Variants in C11orf97 observed in about 807,000 individuals in gnomAD.
C11orf97 encodes the protein uncharacterized protein C11orf97.
Under a neutral mutation model 16.2 loss-of-function variants are expected in C11orf97, and 15 were observed. That is an observed-to-expected ratio of 0.93 (90% CI 0.62 to 1.43). The LOEUF is 1.43. Among genes scored for constraint, C11orf97 ranks in the 40% most tolerant of loss-of-function variants. The pLI, the probability that C11orf97 is intolerant of heterozygous loss-of-function variation, is 0.00. For synonymous variants in C11orf97, 61 were observed against 65.7 expected (o/e 0.93, Z 0.34); for missense variants, 171 against 161.2 (o/e 1.06, Z -0.33).
At chr11:94,527,968 C>T (rs75277404) in intron 2 of C11orf97, 116 bp from the exon 3 acceptor site, 253 of 1,017,986 alleles carry the variant, frequency 2.5e-4, no homozygotes, top group Middle Eastern at 3.1e-4. Context: ...ATTAGTCAAA[C>T]CAAATAAACC....
chr11:94,514,640 CTTTTTTTTTTTT>C (rs10562282), intron 1 of C11orf97, among the ~76,000 whole-genome samples: 2 of 82,468 alleles, frequency 2.4e-5, no homozygotes, highest in African/African-American at 9.3e-5. Context: ...TTATTTTTGC[CTTTTTTTTTTTT>C]TTTTTTTTTT....
At chr11:94,524,222 C>A (rs1947681569) in intron 2 of C11orf97, among the ~76,000 whole-genome samples, 1 of 151,926 alleles carries the variant, frequency 6.6e-6, no homozygotes, top group Non-Finnish European at 1.5e-5. Context: ...TCTTTTAATT[C>A]ACATTTTGAA....
chr11:94,517,037 A>T (rs1163992749), intron 1 of C11orf97, among the ~76,000 whole-genome samples: 1 of 152,246 alleles, frequency 6.6e-6, no homozygotes, highest in Non-Finnish European at 1.5e-5. Flanking sequence ...CCTTGACTGT[A>T]GTAGTCATGT....
intron 2 of C11orf97, among the ~76,000 whole-genome samples, chr11:94,517,977 G>A (rs948471862): frequency 5.3e-5 from 8 of 151,944 alleles, no homozygotes; most frequent in East Asian, 3.9e-4. Flanking sequence ...GTGAAAACCC[G>A]TCTCTACTAA....
chr11:94,531,186 T>C (rs1947735497), intron 3 of C11orf97, among the ~76,000 whole-genome samples: 1 of 152,142 alleles, frequency 6.6e-6, no homozygotes, highest in Non-Finnish European at 1.5e-5. Flanking sequence ...CTTTTATCAA[T>C]CCCAGCACTC....
At chr11:94,531,698 G>A (rs750940960) in intron 3 of C11orf97, among the ~76,000 whole-genome samples, 198 bp from the exon 4 acceptor site, 3 of 152,060 alleles carry the variant, frequency 2.0e-5, no homozygotes, top group Non-Finnish European at 4.4e-5. Context: ...CTGCTTGTCC[G>A]GAAACTATGC....
chr11:94,512,784 G>A (rs1947580132), intron 1 of C11orf97, 111 bp downstream of exon 1: 2 of 1,145,212 alleles, frequency 1.7e-6, no homozygotes, highest in Non-Finnish European at 2.2e-6. Context: ...TTGGGGCAGG[G>A]GAGGTGGAGC....
At chr11:94,529,804 G>T (rs973778297) in intron 3 of C11orf97, among the ~76,000 whole-genome samples, 1 of 152,198 alleles carries the variant, frequency 6.6e-6, no homozygotes, top group African/African-American at 2.4e-5. Flanking sequence ...CAGGGTTTTA[G>T]GAATCTGGGA....
chr11:94,521,526 A>AT (rs991676920), intron 2 of C11orf97, among the ~76,000 whole-genome samples: 4 of 151,962 alleles, frequency 2.6e-5, no homozygotes, highest in African/African-American at 9.7e-5. Flanking sequence ...ACTACTTACA[A>AT]TTTTTTTTCA....
chr11:94,520,124 T>G (rs1034420074), intron 2 of C11orf97, among the ~76,000 whole-genome samples: 2 of 152,246 alleles, frequency 1.3e-5, no homozygotes, highest in Non-Finnish European at 2.9e-5. Flanking sequence ...TCACCTATTC[T>G]AATTAGGCAT....
At chr11:94,514,826 G>T (rs1468979439) in intron 1 of C11orf97, among the ~76,000 whole-genome samples, 1 of 151,790 alleles carries the variant, frequency 6.6e-6, no homozygotes, top group Non-Finnish European at 1.5e-5. Flanking sequence ...TGTATTTTTA[G>T]TAGAGATGGG....
intron 2 of C11orf97, among the ~76,000 whole-genome samples, chr11:94,526,291 G>A (rs1224793474): frequency 5.9e-5 from 9 of 152,132 alleles, no homozygotes; most frequent in African/African-American, 2.2e-4. Context: ...CACTTCACAT[G>A]TATGGAGGGC....
In C11orf97 at chr11:94,512,637, G is replaced by T; in HGVS notation, c.109G>T (p.Glu37Ter). ...AGGGCTGGGGTGCGGGGCGCGCGGG[G>T]AACCCGGCCGCGGCCCCCTAGAGCA... ...PAGLGCGARG[E>*]PGRGPLEHGQ... Residue 37 changes from glutamate (E) to a stop codon, truncating the protein, a stop_gained, in exon 1 of 4, where the codon GAA (glutamate) becomes TAA (stop). Transcript: ENST00000542198. LOFTEE classifies it high-confidence loss of function. The T allele has an allele frequency of 8.0e-7, 1 of 1,255,100 alleles. No individual in the cohort carries two copies. The highest frequency in any genetic ancestry group is 1.0e-6 in the Non-Finnish European group (1 of 998,960). 77.7% of individuals were successfully genotyped at this position (1,255,100 alleles called of 1,614,324 possible). A position where few individuals can be genotyped will look rare whatever the true frequency, so the allele number is the denominator to read the frequency against.
At chr11:94,512,864 C>A (rs773485924) in intron 1 of C11orf97, among the ~76,000 whole-genome samples, 191 bp downstream of exon 1, 2 of 152,138 alleles carry the variant, frequency 1.3e-5, no homozygotes, top group Non-Finnish European at 2.9e-5. Flanking sequence ...TCCAAGCCCT[C>A]CTTCCCGATA....
chr11:94,522,662 T>C (rs1947668285), intron 2 of C11orf97, among the ~76,000 whole-genome samples: 1 of 152,150 alleles, frequency 6.6e-6, no homozygotes, highest in Non-Finnish European at 1.5e-5. Flanking sequence ...CCATCCTCTA[T>C]CTCCACACCA....
At position 94,512,632 on chromosome 11, in the gene C11orf97, G is replaced by A; in HGVS notation, c.104G>A (p.Arg35His). 5 of 1,255,772 alleles carry A rather than the reference G, an allele frequency of 4.0e-6. No individual in the cohort carries two copies. Among genetic ancestry groups the A allele is most frequent in the Non-Finnish European group, 3.0e-6 (3 of 999,372 alleles). 77.8% of individuals were successfully genotyped at this position (1,255,772 alleles called of 1,614,324 possible). ...PPPAGLGCGA[R>H]GEPGRGPLEH... ...CCAGCAGGGCTGGGGTGCGGGGCGCGCGGGGAACCCGGCCGCGGCCCCCTA... is the reference window on the plus strand; with the variant it reads ...CCAGCAGGGCTGGGGTGCGGGGCGCACGGGGAACCCGGCCGCGGCCCCCTA... The change falls in exon 1 of 4, where the codon CGC becomes CAC. Residue 35 changes from arginine (R) to histidine (H), a missense_variant. Arg to His is a conservative substitution (Grantham distance 29). Coordinates refer to ENST00000542198, the MANE Select transcript of C11orf97 (RefSeq NM_001190462.2).
chr11:94,526,441 T>C (rs1262638591), intron 2 of C11orf97, among the ~76,000 whole-genome samples: 1 of 152,252 alleles, frequency 6.6e-6, no homozygotes, highest in East Asian at 1.9e-4. Context: ...TTCTTGTGAT[T>C]GCATCTGAAA....
intron 1 of C11orf97, among the ~76,000 whole-genome samples, chr11:94,512,990 T>C (rs1947581949): frequency 6.6e-6 from 1 of 152,256 alleles, no homozygotes; most frequent in Non-Finnish European, 1.5e-5. Context: ...CCATTTTATA[T>C]ACACATTTGT....
chr11:94,512,678 G>A lies in C11orf97; in HGVS notation c.145+5G>A. On this transcript the variant is annotated splice_donor_5th_base_variant and intron_variant, in intron 1 of 3. Coordinates refer to ENST00000542198, the MANE Select transcript of C11orf97 (RefSeq NM_001190462.2). ...CCCTAGAGCACGGCCAGCAGTGTGA[G>A]TTCAGCTCCAGCCGCGGACGCTACT... The A allele has an allele frequency of 8.1e-7, 1 of 1,237,754 alleles. No individual in the cohort carries two copies. The highest frequency in any genetic ancestry group is 1.0e-6 in the Non-Finnish European group (1 of 990,510). 76.7% of individuals were successfully genotyped at this position (1,237,754 alleles called of 1,614,324 possible).
Sources: allele counts gnomAD v4.1 joint callset (sites outside exome capture counted in the v4.1 genomes callset), GRCh38; gene constraint gnomAD v4.1.1; transcripts MANE v1.5; gene names NCBI Gene and HGNC (gene_info 2026-07-23, HGNC 2026-07-21).